GRM5: variants seen among roughly 807,000 people sequenced by gnomAD.
GRM5 encodes the protein glutamate metabotropic receptor 5.
Under a neutral mutation model 83.1 loss-of-function variants are expected in GRM5, and 19 were observed. That is an observed-to-expected ratio of 0.23 (90% CI 0.16 to 0.34). The LOEUF is 0.34. Ranked by LOEUF, GRM5 falls within the 10% of genes least tolerant of loss-of-function variation. The pLI is 1.00. For missense variants in GRM5, 1,160 were observed against 1,588.3 expected (o/e 0.73, Z 4.58); for synonymous variants, 675 against 633.6 (o/e 1.07, Z -0.98).
intron 3 of GRM5, among the ~76,000 whole-genome samples, chr11:88,722,645 A>C (rs1661760991): frequency 6.6e-6 from 1 of 152,156 alleles, no homozygotes; most frequent in Non-Finnish European, 1.5e-5. Context: ...GTATAACAAA[A>C]TGGTCTGTTT....
intron 3 of GRM5, among the ~76,000 whole-genome samples, chr11:88,745,722 T>C (rs1942123542): frequency 6.6e-6 from 1 of 152,198 alleles, no homozygotes. Flanking sequence ...ACCTCACAGA[T>C]TGTTGGCAGA....
chr11:88,779,338 T>C (rs1417930180), intron 3 of GRM5, among the ~76,000 whole-genome samples: 1 of 152,194 alleles, frequency 6.6e-6, no homozygotes, highest in Non-Finnish European at 1.5e-5. Flanking sequence ...CCTAGCATGG[T>C]AATATTTGCT....
At position 88,597,175 on chromosome 11, in the gene GRM5, C is replaced by G. The variant is rs201230468; in HGVS notation, c.1563+9G>C. ...AACAAAAATGAAAGAAACATAGATTCCATTTTACCTTGATCTGGCCTTTCT... is the reference window on the plus strand; with the variant it reads ...AACAAAAATGAAAGAAACATAGATTGCATTTTACCTTGATCTGGCCTTTCT... On this transcript the variant is annotated intron_variant, in intron 6 of 9. Coordinates refer to ENST00000305447, the MANE Select transcript of GRM5 (RefSeq NM_001143831.3). 4.0e-6 allele frequency: 6 copies of G among 1,504,956 alleles called. No individual in the cohort carries two copies. The highest frequency in any genetic ancestry group is 5.4e-6 in the Non-Finnish European group (6 of 1,120,364). The allele number at this position is 1,504,956 out of a possible 1,614,324, so 93.2% of individuals were successfully genotyped here. A position where few individuals can be genotyped will look rare whatever the true frequency, so the allele number is the denominator to read the frequency against.
At chr11:88,599,605 G>A (rs61901986) in intron 5 of GRM5, among the ~76,000 whole-genome samples, 21,039 of 152,254 alleles carry the variant, frequency 0.14, 1,657 homozygotes, top group Middle Eastern at 0.19. Flanking sequence ...GGAAAATAAA[G>A]TGAGTGTTTA....
At chr11:88,707,009 C>A (rs1941175838) in intron 3 of GRM5, among the ~76,000 whole-genome samples, 2 of 152,136 alleles carry the variant, frequency 1.3e-5, no homozygotes, top group African/African-American at 2.4e-5. Context: ...TGTCTTATTT[C>A]TGCTGGAAGT....
At chr11:88,625,430 G>A (rs1315470112) in intron 4 of GRM5, among the ~76,000 whole-genome samples, 1 of 152,112 alleles carries the variant, frequency 6.6e-6, no homozygotes, top group Admixed American at 6.5e-5. Flanking sequence ...TATACAAAGA[G>A]TAATTTTTTC....
intron 3 of GRM5, among the ~76,000 whole-genome samples, chr11:88,678,376 G>C (rs1037206490): frequency 6.6e-6 from 1 of 152,068 alleles, no homozygotes; most frequent in Non-Finnish European, 1.5e-5. Flanking sequence ...ATTTTCAACT[G>C]CTCTAGTCCA....
intron 2 of GRM5, among the ~76,000 whole-genome samples, chr11:89,003,268 G>A (rs4753208): frequency 3.3e-5 from 5 of 152,024 alleles, no homozygotes; most frequent in African/African-American, 4.8e-5. Flanking sequence ...AAAACCGGAC[G>A]GATAACCGCA....
chr11:88,687,707 T>A (rs1444227420), intron 3 of GRM5, among the ~76,000 whole-genome samples: 1 of 145,080 alleles, frequency 6.9e-6, no homozygotes, highest in Admixed American at 7.2e-5. Context: ...ATACTATATA[T>A]ACCCCCGTAT....
At chr11:88,509,553 G>C (rs528611026) in intron 9 of GRM5, 49 bp from the exon 10 acceptor site, 2 of 1,426,236 alleles carry the variant, frequency 1.4e-6, no homozygotes, top group South Asian at 2.4e-5. Context: ...TGCCCAGGGG[G>C]CTTGGATGCC....
chr11:88,602,657 TTGTCAGGC>T (rs1405095180), intron 5 of GRM5, among the ~76,000 whole-genome samples: 1 of 152,216 alleles, frequency 6.6e-6, no homozygotes, highest in Admixed American at 6.5e-5. Context: ...GGTTGATTAA[TTGTCAGGC>T]TGTTGTATAA....
At chr11:88,898,337 G>T (rs138260892) in intron 2 of GRM5, among the ~76,000 whole-genome samples, 2 of 151,926 alleles carry the variant, frequency 1.3e-5, no homozygotes, top group East Asian at 3.9e-4. Context: ...ACTCTGTAAA[G>T]GCCCTATTAA....
chr11:88,796,781 G>C lies in GRM5; in HGVS notation c.911+53125C>G, dbSNP rs180678073. 2.8e-3 allele frequency among the ~76,000 whole-genome samples: 427 copies of C among 152,124 alleles called. 1 individual carries two copies. Among genetic ancestry groups the C allele is most frequent in the African/African-American group, 9.8e-3 (408 of 41,502 alleles). On this transcript the variant is annotated intron_variant, in intron 3 of 9. Transcript: ENST00000305447. ...ATCTTTACATAATTCTTTGTCACAA[G>C]TTGACTTCTGTGAAGATCATGAAGC... is the stretch of plus-strand genomic sequence containing the variant.
intron 4 of GRM5, among the ~76,000 whole-genome samples, chr11:88,627,767 G>A (rs1447321856): frequency 6.6e-6 from 1 of 151,992 alleles, no homozygotes; most frequent in African/African-American, 2.4e-5. Context: ...TAACTTCTGT[G>A]ACACCCTCAA....
At chr11:88,856,592 A>G (rs1944481879) in intron 2 of GRM5, among the ~76,000 whole-genome samples, 1 of 152,114 alleles carries the variant, frequency 6.6e-6, no homozygotes, top group Non-Finnish European at 1.5e-5. Context: ...ATAAAAATAT[A>G]GTATAGTTAA....
intron 3 of GRM5, among the ~76,000 whole-genome samples, chr11:88,806,038 C>T (rs1943494391): frequency 6.6e-6 from 1 of 152,172 alleles, no homozygotes; most frequent in African/African-American, 2.4e-5. Flanking sequence ...ATTCAAATCC[C>T]AATTCTGCAT....
At chr11:88,759,321 C>T (rs755121583) in intron 3 of GRM5, among the ~76,000 whole-genome samples, 1 of 152,116 alleles carries the variant, frequency 6.6e-6, no homozygotes, top group African/African-American at 2.4e-5. Context: ...ACGGTCTCTT[C>T]AGGAGACCCA....
chr11:88,744,346 A>T (rs10501680), intron 3 of GRM5, among the ~76,000 whole-genome samples: 13,311 of 152,222 alleles, frequency 0.087, 679 homozygotes, highest in African/African-American at 0.15. Context: ...GCAGCAAACC[A>T]TTATTTATGA....
intron 2 of GRM5, among the ~76,000 whole-genome samples, chr11:88,902,854 G>A (rs1292175587): frequency 6.8e-6 from 1 of 147,992 alleles, no homozygotes; most frequent in South Asian, 2.1e-4. Flanking sequence ...GGGAGGTTGA[G>A]GCAGAAGAAT....
Sources: allele counts gnomAD v4.1 joint callset (sites outside exome capture counted in the v4.1 genomes callset), GRCh38; gene constraint gnomAD v4.1.1; transcripts MANE v1.5; gene names NCBI Gene and HGNC (gene_info 2026-07-23, HGNC 2026-07-21).